PTER: variants seen among roughly 807,000 people sequenced by gnomAD.
The protein encoded by PTER is phosphotriesterase related, also known as N-acetyltaurine hydrolase.
A neutral mutation model predicts 29.6 loss-of-function variants in PTER; 38 were observed. The ratio of observed to expected loss-of-function variants is 1.28; its 90% CI spans 0.99 to 1.68. The LOEUF is 1.68. Ranked by LOEUF, PTER falls within the 40% of genes most tolerant of loss-of-function variation. The pLI, the probability that PTER is intolerant of heterozygous loss-of-function variation, is 0.00. For missense variants in PTER, 482 were observed against 427.8 expected (o/e 1.13, Z -1.12); for synonymous variants, 172 against 154.5 (o/e 1.11, Z -0.84).
intron 1 of PTER, among the ~76,000 whole-genome samples, chr10:16,475,112 T>C (rs1204784941): frequency 6.6e-6 from 1 of 152,098 alleles, no homozygotes; most frequent in African/African-American, 2.4e-5. Context: ...GTTGATCACC[T>C]CTCAAAGGCC....
At chr10:16,445,224 T>A (rs1476320033) in intron 1 of PTER, among the ~76,000 whole-genome samples, 2 of 152,218 alleles carry the variant, frequency 1.3e-5, no homozygotes, top group African/African-American at 4.8e-5. Flanking sequence ...AAGTCGAGTA[T>A]GGTTTTAACT....
At chr10:16,503,883 T>C (rs1284704309) in intron 3 of PTER, among the ~76,000 whole-genome samples, 3 of 152,178 alleles carry the variant, frequency 2.0e-5, no homozygotes, top group African/African-American at 4.8e-5. Context: ...GTAATAGAAA[T>C]ATCAGCATGG....
chr10:16,471,552 A>G (rs1449089661), intron 1 of PTER, among the ~76,000 whole-genome samples: 1 of 152,214 alleles, frequency 6.6e-6, no homozygotes, highest in Non-Finnish European at 1.5e-5. Context: ...ATTTATGTGT[A>G]GATACATACA....
chr10:16,458,969 A>G (rs1462841113), intron 1 of PTER, among the ~76,000 whole-genome samples: 1 of 152,204 alleles, frequency 6.6e-6, no homozygotes, highest in African/African-American at 2.4e-5. Flanking sequence ...ATACAACAAA[A>G]TTAGTCCATA....
intron 1 of PTER, among the ~76,000 whole-genome samples, chr10:16,471,112 A>G (rs1439960912): frequency 2.6e-5 from 4 of 152,222 alleles, no homozygotes; most frequent in Admixed American, 6.5e-5. Context: ...TCGGCGATGG[A>G]CTACCTCAAA....
intron 1 of PTER, among the ~76,000 whole-genome samples, chr10:16,482,837 A>G (rs1252581619): frequency 6.6e-6 from 1 of 152,004 alleles, no homozygotes; most frequent in Non-Finnish European, 1.5e-5. Flanking sequence ...GCTGGAGTGC[A>G]GTGGCGCGAT....
At chr10:16,501,220 C>T (rs2133492177) in intron 3 of PTER, among the ~76,000 whole-genome samples, 1 of 152,162 alleles carries the variant, frequency 6.6e-6, no homozygotes, top group Non-Finnish European at 1.5e-5. Flanking sequence ...TGTGAGCCCC[C>T]ATGCTCAGCC....
At chr10:16,443,183 C>G (rs1256560935) in intron 1 of PTER, among the ~76,000 whole-genome samples, 1 of 152,180 alleles carries the variant, frequency 6.6e-6, no homozygotes, top group Non-Finnish European at 1.5e-5. Context: ...AAGGTGTCAG[C>G]AGTGTTGGCC....
In PTER at chr10:16,511,105, A is replaced by G. The variant is rs573534018; in HGVS notation, c.899A>G (p.His300Arg). ...EDRILVAHDIHTKTRLMKYGG... is the reference protein window; with the variant it reads ...EDRILVAHDIRTKTRLMKYGG... ...CGAATTCTGGTAGCACATGACATAC[A>G]TACGAAAACCCGGCTGATGAAATAT... Residue 300 changes from histidine (H) to arginine (R), a missense_variant, in exon 5 of 5, where the codon CAT (histidine) becomes CGT (arginine). Coordinates refer to ENST00000535784, the MANE Select transcript of PTER (RefSeq NM_001261836.2). 3.7e-5 allele frequency: 59 copies of G among 1,614,150 alleles called. No homozygotes were observed. The South Asian group carries it at 5.8e-4, about 16-fold the overall frequency.
chr10:16,501,359 A>G lies in PTER; in HGVS notation c.699-3661A>G, dbSNP rs199872253. ...CACACACACACACACACACACACAC[A>G]CACACACACATGCACACACACACAC... On this transcript the variant is annotated intron_variant, in intron 3 of 4. Coordinates refer to ENST00000535784, the MANE Select transcript of PTER (RefSeq NM_001261836.2). Among the ~76,000 whole-genome samples the G allele has an allele frequency of 1.0e-4, 11 of 105,184 alleles. No homozygotes were observed. In the East Asian group the frequency reaches 1.5e-3, roughly 14 times the overall value. 69.0% of individuals were successfully genotyped at this position (105,184 alleles called of 152,430 possible).
chr10:16,496,909 G>A lies in PTER; in HGVS notation c.699-8111G>A, dbSNP rs80298635. Among the ~76,000 whole-genome samples the A allele has an allele frequency of 4.8e-3, 716 of 150,032 alleles. 8 individuals carry two copies. The highest frequency in any genetic ancestry group is 0.017 in the African/African-American group (685 of 40,722). On this transcript the variant is annotated intron_variant, in intron 3 of 4. Coordinates refer to ENST00000535784, the MANE Select transcript of PTER (RefSeq NM_001261836.2). ...TTCAGGAACAGCAAGCTCCCTTTTT[G>A]CCTCTCAGCAGGTGGTTCTCTGGAT...
At chr10:16,439,679 A>C (rs1458166627) in intron 1 of PTER, among the ~76,000 whole-genome samples, 1 of 152,252 alleles carries the variant, frequency 6.6e-6, no homozygotes, top group African/African-American at 2.4e-5. Context: ...ACCCATTCAT[A>C]CAGGAGGAAT....
intron 1 of PTER, among the ~76,000 whole-genome samples, chr10:16,474,094 G>A (rs1363283791): frequency 6.6e-6 from 1 of 152,182 alleles, no homozygotes; most frequent in Non-Finnish European, 1.5e-5. Context: ...GCATGTGCCT[G>A]TAATCCCAGC....
intron 1 of PTER, among the ~76,000 whole-genome samples, chr10:16,437,840 ACT>A (rs918149419): frequency 6.6e-6 from 1 of 150,716 alleles, no homozygotes; most frequent in Admixed American, 6.6e-5. Flanking sequence ...GTGTGCTGTT[ACT>A]CTCTTAGACT....
downstream of PTER, chr10:16,513,945 CCCT>C: frequency 5.1e-6 from 1 of 194,462 alleles, no homozygotes; most frequent in Non-Finnish European, 1.0e-5. Flanking sequence ...CTTGGGAATT[CCCT>C]CAAATCCAGA....
intron 1 of PTER, among the ~76,000 whole-genome samples, chr10:16,473,863 T>A (rs1290522474): frequency 6.6e-6 from 1 of 152,152 alleles, no homozygotes; most frequent in Non-Finnish European, 1.5e-5. Flanking sequence ...TCTGCCTGAT[T>A]AACCACATGA....
intron 1 of PTER, among the ~76,000 whole-genome samples, chr10:16,451,744 C>G (rs1014477218): frequency 9.2e-5 from 14 of 152,012 alleles, no homozygotes; most frequent in Non-Finnish European, 2.1e-4. Context: ...TAAAATTGGA[C>G]AGTAGTTTTC....
intron 4 of PTER, among the ~76,000 whole-genome samples, chr10:16,505,520 A>G (rs1308046465): frequency 6.6e-6 from 1 of 152,242 alleles, no homozygotes; most frequent in Non-Finnish European, 1.5e-5. Context: ...TGACCACACT[A>G]AAGCCATAAC....
At chr10:16,442,813 C>G (rs936645909) in intron 1 of PTER, among the ~76,000 whole-genome samples, 1 of 152,136 alleles carries the variant, frequency 6.6e-6, no homozygotes, top group African/African-American at 2.4e-5. Flanking sequence ...AACCCCATCT[C>G]TACTAAAAAT....
Sources: allele counts gnomAD v4.1 joint callset (sites outside exome capture counted in the v4.1 genomes callset), GRCh38; gene constraint gnomAD v4.1.1; transcripts MANE v1.5; gene names NCBI Gene and HGNC (gene_info 2026-07-23, HGNC 2026-07-21).